The following GRM8 variants were observed in gnomAD, a reference collection of about 807,000 sequenced individuals.
GRM8 encodes metabotropic glutamate receptor 8.
In GRM8, 47 loss-of-function variants were observed where a neutral mutation model predicts 87.2. The ratio of observed to expected loss-of-function variants is 0.54; its 90% CI spans 0.43 to 0.69. The LOEUF (loss-of-function observed/expected upper bound fraction) is 0.69, where lower values mean the gene tolerates loss of function less well. Among genes scored for constraint, GRM8 ranks in the 30% least tolerant of loss-of-function variants. The pLI, the probability that GRM8 is intolerant of heterozygous loss-of-function variation, is 0.00. For synonymous variants in GRM8, 396 were observed against 404.5 expected, an observed-to-expected ratio of 0.98 and a Z score of 0.25; for missense variants, 1,019 against 1,139.2, an observed-to-expected ratio of 0.89 and a Z score of 1.52.
At chr7:127,121,311 T>C (rs1827073325) in intron 2 of GRM8, among the ~76,000 whole-genome samples, 1 of 152,104 alleles carries the variant, frequency 6.6e-6, no homozygotes, top group Non-Finnish European at 1.5e-5. Flanking sequence ...CTCCCAAGGT[T>C]TGAGGAGGAG....
intron 3 of GRM8, among the ~76,000 whole-genome samples, chr7:127,056,730 T>C (rs1192779378): frequency 6.6e-6 from 1 of 152,242 alleles, no homozygotes; most frequent in Non-Finnish European, 1.5e-5. Context: ...AAACCAATGA[T>C]AATTCACAAA....
intron 9 of GRM8, among the ~76,000 whole-genome samples, chr7:126,455,236 A>C (rs1803090781): frequency 6.6e-6 from 1 of 151,706 alleles, no homozygotes. Flanking sequence ...TTTGAGACAC[A>C]GTCACTTTTG....
intron 6 of GRM8, among the ~76,000 whole-genome samples, chr7:126,894,281 T>A (rs1270457761): frequency 6.6e-6 from 1 of 152,080 alleles, no homozygotes; most frequent in Non-Finnish European, 1.5e-5. Context: ...CTTACCATAG[T>A]TTTTCAAATA....
intron 7 of GRM8, among the ~76,000 whole-genome samples, chr7:126,643,707 T>A (rs2157821): frequency 0.15 from 23,540 of 152,184 alleles, 1,889 homozygotes; most frequent in South Asian, 0.2. Context: ...GAAAAACTGT[T>A]TAATATCCAG....
At chr7:126,480,153 G>A (rs1383680340) in intron 9 of GRM8, among the ~76,000 whole-genome samples, 1 of 152,128 alleles carries the variant, frequency 6.6e-6, no homozygotes, top group Non-Finnish European at 1.5e-5. Context: ...GGGAGGCAGA[G>A]GCAGACAGAT....
intron 8 of GRM8, among the ~76,000 whole-genome samples, chr7:126,587,578 C>CA (rs1242453486): frequency 6.7e-6 from 1 of 148,924 alleles, no homozygotes; most frequent in Middle Eastern, 3.4e-3. Flanking sequence ...ATCGCAGGGA[C>CA]AAAAAAACCA....
chr7:126,745,630 A>C (rs952122046), intron 7 of GRM8, among the ~76,000 whole-genome samples: 2 of 151,692 alleles, frequency 1.3e-5, no homozygotes, highest in African/African-American at 4.8e-5. Flanking sequence ...ACTAGGCATA[A>C]AATGTGAATA....
intron 2 of GRM8, among the ~76,000 whole-genome samples, chr7:127,124,132 C>A: frequency 6.6e-6 from 1 of 152,162 alleles, no homozygotes; most frequent in Non-Finnish European, 1.5e-5. Context: ...CATTACTCAA[C>A]TCCTCATCCA....
At chr7:126,598,916 T>C (rs1797465778) in intron 8 of GRM8, among the ~76,000 whole-genome samples, 1 of 152,140 alleles carries the variant, frequency 6.6e-6, no homozygotes, top group Admixed American at 6.6e-5. Flanking sequence ...TCCTCTGTTC[T>C]GGGAGCTCAG....
Position 126,605,975 on chromosome 7 carries a change from T to C in GRM8, c.1494+3387A>G, listed in dbSNP as rs796843560. Among the ~76,000 whole-genome samples the C allele has an allele frequency of 2.0e-4, 30 of 152,360 alleles. 1 individual carries two copies. The highest frequency in any genetic ancestry group is 7.2e-4 in the African/African-American group (30 of 41,590). On this transcript the variant is annotated intron_variant, in intron 8 of 10. Transcript: ENST00000339582. ...GAGAACAGGGTTCACATATTCACTATAGTCTCAACACCTTTTAACAGAGTA... is the reference window on the plus strand; with the variant it reads ...GAGAACAGGGTTCACATATTCACTACAGTCTCAACACCTTTTAACAGAGTA...
chr7:126,952,828 G>C (rs542535320), intron 3 of GRM8, among the ~76,000 whole-genome samples: 5 of 152,148 alleles, frequency 3.3e-5, no homozygotes, highest in Admixed American at 1.3e-4. Flanking sequence ...AACTGTTACA[G>C]ATTTCAGGAG....
intron 7 of GRM8, among the ~76,000 whole-genome samples, chr7:126,671,388 T>A (rs191564575): frequency 1.3e-5 from 2 of 152,358 alleles, no homozygotes; most frequent in African/African-American, 4.8e-5. Context: ...CTTGCTGCAC[T>A]TTATGCAAAT....
At chr7:127,019,744 G>T (rs1666805299) in intron 3 of GRM8, among the ~76,000 whole-genome samples, 1 of 152,024 alleles carries the variant, frequency 6.6e-6, no homozygotes, top group African/African-American at 2.4e-5. Flanking sequence ...AAAACCTTAA[G>T]ATTTGAATCT....
chr7:126,619,387 G>A (rs1336474591), intron 7 of GRM8, among the ~76,000 whole-genome samples: 2 of 152,140 alleles, frequency 1.3e-5, no homozygotes, highest in African/African-American at 4.8e-5. Flanking sequence ...GGTGAGGGAA[G>A]TGGGGAGGGA....
intron 7 of GRM8, among the ~76,000 whole-genome samples, chr7:126,655,859 G>C (rs1192703600): frequency 6.6e-6 from 1 of 152,066 alleles, no homozygotes; most frequent in Admixed American, 6.5e-5. Flanking sequence ...CATGACACAA[G>C]GGAAAGATAT....
At position 126,685,175 on chromosome 7, in the gene GRM8, G is replaced by A. The variant is rs1372881767; in HGVS notation, c.1358-75677C>T. ...GCTATGGGGAGTTCATGGGGAAGAG[G>A]CGAATAGTCCCTAGAGACTTCCCCT... On this transcript the variant is annotated intron_variant, in intron 7 of 10. Transcript: ENST00000339582. This position sits in a 1 kb window ranked among gnomAD's most constrained non-coding sequence, Gnocchi z 4.2. Among the ~76,000 whole-genome samples, 1 of 152,214 alleles carries A rather than the reference G, an allele frequency of 6.6e-6. No homozygotes were observed. Among genetic ancestry groups the A allele is most frequent in the Non-Finnish European group, 1.5e-5 (1 of 68,022 alleles).
At chr7:127,132,824 A>C (rs1827761629) in intron 2 of GRM8, among the ~76,000 whole-genome samples, 1 of 152,108 alleles carries the variant, frequency 6.6e-6, no homozygotes, top group South Asian at 2.1e-4. Flanking sequence ...AACGGACAAG[A>C]GGAGTCCTAG....
At chr7:126,885,955 T>C (rs1462054723) in intron 6 of GRM8, among the ~76,000 whole-genome samples, 1 of 152,164 alleles carries the variant, frequency 6.6e-6, no homozygotes, top group Admixed American at 6.6e-5. Context: ...TTGTGGCACT[T>C]GGCACAGTAT....
chr7:127,249,966 G>T (rs1300780777), intron 1 of GRM8, among the ~76,000 whole-genome samples: 1 of 152,104 alleles, frequency 6.6e-6, no homozygotes, highest in Non-Finnish European at 1.5e-5. Flanking sequence ...TAAGACACTG[G>T]GACAGAGCAA....
Sources: gnomAD v4.1 joint callset for allele counts (sites outside exome capture counted in the v4.1 genomes callset) on GRCh38, gnomAD v4.1.1 for gene constraint, Gnocchi (gnomAD v3.1) non-coding constraint, MANE v1.5 for transcripts, NCBI Gene and HGNC (gene_info 2026-07-23, HGNC 2026-07-21) for gene names.